Variants in PCDH9 observed in about 807,000 individuals in gnomAD.
PCDH9 encodes the protein protocadherin-9.
Under a neutral mutation model 70.6 loss-of-function variants are expected in PCDH9, and 24 were observed. The observed-to-expected ratio is 0.34, with a 90% CI of 0.25 to 0.48. The LOEUF (loss-of-function observed/expected upper bound fraction) is 0.48. Ranked by LOEUF, PCDH9 falls within the 20% of genes least tolerant of loss-of-function variation. The pLI is 0.99. For missense variants in PCDH9, 1,281 were observed against 1,503.6 expected, an observed-to-expected ratio of 0.85 and a Z score of 2.45; for synonymous variants, 562 against 558.5, an observed-to-expected ratio of 1.01 and a Z score of -0.09.
At chr13:66,702,033 C>A (rs2078654344) in intron 3 of PCDH9, among the ~76,000 whole-genome samples, 1 of 152,080 alleles carries the variant, frequency 6.6e-6, no homozygotes, top group African/African-American at 2.4e-5. Context: ...AGCTGAGCTG[C>A]CCAGAGTGTA....
chr13:66,332,811 T>C (rs1325558979), intron 4 of PCDH9, among the ~76,000 whole-genome samples: 2 of 150,310 alleles, frequency 1.3e-5, no homozygotes, highest in Non-Finnish European at 3.0e-5. Flanking sequence ...AAGAAAGGCA[T>C]ATATATATAT....
intron 4 of PCDH9, among the ~76,000 whole-genome samples, chr13:66,408,447 T>C (rs1345462965): frequency 6.6e-6 from 1 of 152,232 alleles, no homozygotes; most frequent in Non-Finnish European, 1.5e-5. Context: ...TACATTTTCA[T>C]AAACAGGAGC....
At chr13:66,384,804 A>G (rs1956902069) in intron 4 of PCDH9, among the ~76,000 whole-genome samples, 1 of 151,092 alleles carries the variant, frequency 6.6e-6, no homozygotes, top group Admixed American at 6.7e-5. Context: ...AGCTGGGATT[A>G]CAGGCACCTG....
intron 4 of PCDH9, among the ~76,000 whole-genome samples, chr13:66,349,879 A>G (rs897833662): frequency 6.6e-6 from 1 of 152,204 alleles, no homozygotes; most frequent in Non-Finnish European, 1.5e-5. Context: ...AGATTTGTAT[A>G]GTCAAAAGAA....
chr13:66,470,223 G>C (rs1214737482), intron 4 of PCDH9, among the ~76,000 whole-genome samples: 1 of 152,036 alleles, frequency 6.6e-6, no homozygotes, highest in Non-Finnish European at 1.5e-5. Context: ...TATATATATA[G>C]ACACAGATGA....
intron 3 of PCDH9, among the ~76,000 whole-genome samples, chr13:66,885,010 A>T (rs1250964233): frequency 1.3e-5 from 2 of 152,140 alleles, no homozygotes; most frequent in East Asian, 3.9e-4. Flanking sequence ...CTCTCTCCTG[A>T]TAGTGTACTC....
At chr13:67,200,570 C>A (rs947241309) in intron 2 of PCDH9, among the ~76,000 whole-genome samples, 1 of 151,936 alleles carries the variant, frequency 6.6e-6, no homozygotes, top group Non-Finnish European at 1.5e-5. Flanking sequence ...CAATAGCATG[C>A]CAAAAGTAAT....
At chr13:66,912,131 G>C (rs1485262768) in intron 2 of PCDH9, among the ~76,000 whole-genome samples, 1 of 152,066 alleles carries the variant, frequency 6.6e-6, no homozygotes, top group Non-Finnish European at 1.5e-5. Context: ...TAATTGGAGA[G>C]GTCCTGTTTT....
chr13:67,205,077 C>G (rs1428730353), intron 2 of PCDH9: 1 of 152,144 alleles, frequency 6.6e-6, no homozygotes, highest in Non-Finnish European at 1.5e-5. Flanking sequence ...TTCCTCATAT[C>G]CTCACCACAA....
At chr13:66,454,081 T>G (rs4393452) in intron 4 of PCDH9, among the ~76,000 whole-genome samples, 74,445 of 151,700 alleles carry the variant, frequency 0.49, 18,981 homozygotes, top group East Asian at 0.65. Context: ...AATCATCACA[T>G]AGTTTCTGTC....
intron 3 of PCDH9, among the ~76,000 whole-genome samples, chr13:66,827,950 A>C (rs552782268): frequency 1.3e-5 from 2 of 152,282 alleles, no homozygotes; most frequent in Admixed American, 1.3e-4. Flanking sequence ...TAATTAAACA[A>C]AAAAGTTACC....
intron 4 of PCDH9, among the ~76,000 whole-genome samples, chr13:66,313,250 C>T (rs1955594419): frequency 6.6e-6 from 1 of 152,142 alleles, no homozygotes; most frequent in Non-Finnish European, 1.5e-5. Context: ...ATTGTATTTA[C>T]CTTATTGCAG....
At chr13:66,455,288 TA>T (rs1430404931) in intron 4 of PCDH9, among the ~76,000 whole-genome samples, 1 of 151,504 alleles carries the variant, frequency 6.6e-6, no homozygotes, top group Non-Finnish European at 1.5e-5. Flanking sequence ...ATATTTATTA[TA>T]AAAAAGTTAT....
chr13:67,106,151 T>A (rs1027292733), intron 2 of PCDH9, among the ~76,000 whole-genome samples: 2 of 151,974 alleles, frequency 1.3e-5, no homozygotes, highest in Non-Finnish European at 2.9e-5. Context: ...TAAAAGGGAG[T>A]CAAAAAAAGT....
At chr13:67,115,049 A>T (rs1437743693) in intron 2 of PCDH9, among the ~76,000 whole-genome samples, 2 of 152,146 alleles carry the variant, frequency 1.3e-5, no homozygotes, top group Non-Finnish European at 2.9e-5. Context: ...AATAGAATTT[A>T]AACTGGAGAA....
intron 2 of PCDH9, among the ~76,000 whole-genome samples, chr13:67,005,049 T>C (rs1389994955): frequency 6.6e-6 from 1 of 151,976 alleles, no homozygotes; most frequent in Non-Finnish European, 1.5e-5. Context: ...GTCTCCTTTG[T>C]AAAGAGCAGG....
At chr13:67,011,201 A>AC (rs78565259) in intron 2 of PCDH9, among the ~76,000 whole-genome samples, 20 of 151,748 alleles carry the variant, frequency 1.3e-4, no homozygotes, top group East Asian at 9.7e-4. Context: ...CGGAACTGTC[A>AC]CCCCCCCAGT....
At chr13:67,214,023 T>C (rs2089532851) in intron 2 of PCDH9, 1 of 152,210 alleles carries the variant, frequency 6.6e-6, no homozygotes, top group African/African-American at 2.4e-5. Flanking sequence ...TTTCAGCTGT[T>C]CCAACAAAAG....
At chr13:66,319,140 G>A (rs144830624) in intron 4 of PCDH9, among the ~76,000 whole-genome samples, 138 of 152,242 alleles carry the variant, frequency 9.1e-4, no homozygotes, top group Middle Eastern at 3.4e-3. Flanking sequence ...TTCACAAGGC[G>A]GCAGGAGAGA....
Sources: allele counts gnomAD v4.1 joint callset (sites outside exome capture counted in the v4.1 genomes callset), GRCh38; gene constraint gnomAD v4.1.1; transcripts MANE v1.5; gene names NCBI Gene and HGNC (gene_info 2026-07-23, HGNC 2026-07-21).